RANBP17: variants seen among roughly 807,000 people sequenced by gnomAD.
RANBP17 encodes the protein ran-binding protein 17.
A neutral mutation model predicts 141.2 loss-of-function variants in RANBP17; 158 were observed. That is an observed-to-expected ratio of 1.12 (90% CI 0.98 to 1.28). The LOEUF (loss-of-function observed/expected upper bound fraction) is 1.28. RANBP17 is among the 50% of genes most tolerant of loss of function. The probability of loss-of-function intolerance (pLI) is 0.00; values close to 1 mark genes in which losing one functional copy is unlikely to be tolerated. For synonymous variants in RANBP17, 430 were observed against 450.0 expected, an observed-to-expected ratio of 0.96 and a Z score of 0.56; for missense variants, 1,438 against 1,290.7, an observed-to-expected ratio of 1.11 and a Z score of -1.75.
intron 14 of RANBP17, among the ~76,000 whole-genome samples, chr5:171,161,043 C>T (rs1759310539): frequency 6.6e-6 from 1 of 152,188 alleles, no homozygotes; most frequent in South Asian, 2.1e-4. Context: ...CCACCCATCT[C>T]GGCCTCCTAA....
At chr5:171,284,055 G>A (rs996750900) in intron 25 of RANBP17, among the ~76,000 whole-genome samples, 2 of 152,180 alleles carry the variant, frequency 1.3e-5, no homozygotes, top group Non-Finnish European at 2.9e-5. Flanking sequence ...TAGTAACGTG[G>A]AGTGCTGTTT....
chr5:171,110,690 G>T (rs111263203), intron 14 of RANBP17, among the ~76,000 whole-genome samples: 56 of 152,116 alleles, frequency 3.7e-4, no homozygotes, highest in African/African-American at 1.3e-3. Flanking sequence ...GGGCCAAAAG[G>T]TTATATACTA....
intron 3 of RANBP17, among the ~76,000 whole-genome samples, 190 bp downstream of exon 3, chr5:170,882,086 AT>A (rs1303948862): frequency 6.6e-6 from 1 of 151,848 alleles, no homozygotes; most frequent in Non-Finnish European, 1.5e-5. Flanking sequence ...TCAAAAAAGC[AT>A]TTTTTTTCTT....
intron 14 of RANBP17, among the ~76,000 whole-genome samples, chr5:171,011,063 A>G (rs1330476016): frequency 1.3e-5 from 2 of 152,124 alleles, no homozygotes; most frequent in African/African-American, 4.8e-5. Context: ...TTATGAGTCT[A>G]ATCTAACTAA....
In RANBP17 at chr5:171,258,116, A is replaced by AT. The variant is rs1192670880; in HGVS notation, c.2777-7565_2777-7564insT. Among the ~76,000 whole-genome samples the AT allele has an allele frequency of 8.1e-5, 8 of 99,030 alleles. No homozygotes were observed. The South Asian group carries it at 2.4e-3, about 29-fold the overall frequency. The allele number at this position is 99,030 out of a possible 152,430, so 65.0% of individuals were successfully genotyped here. A position where few individuals can be genotyped will look rare whatever the true frequency, so the allele number is the denominator to read the frequency against. ...AGCAAAACTCCATCTAAAAAAAAAA[A>AT]ATACACACACACACACACACACACA... On this transcript the variant is annotated intron_variant, in intron 24 of 27. Transcript: ENST00000523189.
chr5:170,978,712 T>C (rs1224646403), intron 14 of RANBP17, among the ~76,000 whole-genome samples: 1 of 152,136 alleles, frequency 6.6e-6, no homozygotes, highest in Non-Finnish European at 1.5e-5. Flanking sequence ...GTAGGGAGAA[T>C]ATTTTGACTG....
Position 171,277,637 on chromosome 5 carries a change from G to GTGTGTATATATATATATATATA in RANBP17, c.2943+11791_2943+11792insGTGTATATATATATATATATAT, listed in dbSNP as rs1437482589. Among the ~76,000 whole-genome samples the GTGTGTATATATATATATATATA allele has an allele frequency of 1.7e-3, 96 of 56,904 alleles. 2 individuals are homozygous for GTGTGTATATATATATATATATA. Among genetic ancestry groups the GTGTGTATATATATATATATATA allele is most frequent in the Admixed American group, 2.7e-3 (10 of 3,726 alleles). The allele number at this position is 56,904 out of a possible 152,430, so 37.3% of individuals were successfully genotyped here. ...GTGCCTTACGTATACATATATGTAT[G>GTGTGTATATATATATATATATA]TATATATATATATATATATATATAT... is the stretch of plus-strand genomic sequence containing the variant. On this transcript the variant is annotated intron_variant, in intron 25 of 27. Coordinates refer to ENST00000523189, the MANE Select transcript of RANBP17 (RefSeq NM_022897.5).
In RANBP17 at chr5:170,972,242, C is replaced by T. The variant is rs904652316; in HGVS notation, c.1710+3865C>T. ...TGCTGTCCAGGCTGGAGTGCAATGGCGCCATCTTGACTCACTGCAACCTCC... is the reference window on the plus strand; with the variant it reads ...TGCTGTCCAGGCTGGAGTGCAATGGTGCCATCTTGACTCACTGCAACCTCC... On this transcript the variant is annotated intron_variant, in intron 14 of 27. Coordinates refer to ENST00000523189, the MANE Select transcript of RANBP17 (RefSeq NM_022897.5). Among the ~76,000 whole-genome samples, 11 of 144,116 alleles carry T rather than the reference C, an allele frequency of 7.6e-5. 1 individual carries two copies. Among genetic ancestry groups the T allele is most frequent in the African/African-American group, 1.8e-4 (7 of 37,998 alleles). The allele number at this position is 144,116 out of a possible 152,430, so 94.5% of individuals were successfully genotyped here.
intron 13 of RANBP17, among the ~76,000 whole-genome samples, chr5:170,967,792 C>A (rs1776691456): frequency 6.6e-6 from 1 of 151,458 alleles, no homozygotes. Flanking sequence ...TTTTTTTGAA[C>A]TTTGAGTCAT....
chr5:170,960,215 G>T (rs1458787975), intron 13 of RANBP17, among the ~76,000 whole-genome samples: 4 of 152,128 alleles, frequency 2.6e-5, no homozygotes. Context: ...AATTTGTTGA[G>T]TGATAGTAAC....
At chr5:171,052,780 T>C (rs1269724031) in intron 14 of RANBP17, among the ~76,000 whole-genome samples, 1 of 152,212 alleles carries the variant, frequency 6.6e-6, no homozygotes, top group African/African-American at 2.4e-5. Flanking sequence ...ATAGGTATTG[T>C]GTTTAATCTG....
intron 14 of RANBP17, among the ~76,000 whole-genome samples, chr5:171,008,795 C>T (rs1779834450): frequency 6.6e-6 from 1 of 152,094 alleles, no homozygotes; most frequent in East Asian, 1.9e-4. Context: ...TGGATGTATA[C>T]AGGCAGGTCA....
chr5:171,001,266 G>A (rs188394003), intron 14 of RANBP17, among the ~76,000 whole-genome samples: 11 of 152,078 alleles, frequency 7.2e-5, no homozygotes, highest in African/African-American at 2.4e-4. Context: ...TTGTCATATC[G>A]AATTATTGGT....
intron 12 of RANBP17, among the ~76,000 whole-genome samples, chr5:170,952,079 C>A (rs139085240): frequency 6.6e-6 from 1 of 151,866 alleles, no homozygotes; most frequent in African/African-American, 2.4e-5. Context: ...CCAAGATACA[C>A]GAGAAGTGGA....
chr5:171,055,431 G>A (rs917126753), intron 14 of RANBP17, among the ~76,000 whole-genome samples: 10 of 152,108 alleles, frequency 6.6e-5, no homozygotes, highest in African/African-American at 1.9e-4. Context: ...ATCATGGTAC[G>A]AATGATTTGT....
intron 25 of RANBP17, among the ~76,000 whole-genome samples, chr5:171,281,470 A>G (rs1767856104): frequency 6.6e-6 from 1 of 152,214 alleles, no homozygotes; most frequent in Admixed American, 6.5e-5. Flanking sequence ...TGAACCCCTT[A>G]AGACTGGAAG....
intron 14 of RANBP17, among the ~76,000 whole-genome samples, chr5:170,979,265 G>T (rs888722625): frequency 6.6e-6 from 1 of 152,130 alleles, no homozygotes; most frequent in Non-Finnish European, 1.5e-5. Flanking sequence ...TGCATGGTGG[G>T]TGTGCATGGG....
chr5:171,298,283 T>C (rs1275511058), intron 27 of RANBP17, among the ~76,000 whole-genome samples: 1 of 152,168 alleles, frequency 6.6e-6, no homozygotes, highest in Non-Finnish European at 1.5e-5. Flanking sequence ...ACCCAGGTAG[T>C]CTAACCCAGT....
intron 14 of RANBP17, among the ~76,000 whole-genome samples, chr5:171,157,488 G>T (rs1758989739): frequency 6.6e-6 from 1 of 152,086 alleles, no homozygotes; most frequent in African/African-American, 2.4e-5. Context: ...CTGATGATCT[G>T]GACTCTTCAG....
Sources: gnomAD v4.1 joint callset for allele counts (sites outside exome capture counted in the v4.1 genomes callset) on GRCh38, gnomAD v4.1.1 for gene constraint, MANE v1.5 for transcripts, NCBI Gene and HGNC (gene_info 2026-07-23, HGNC 2026-07-21) for gene names.